The following CREB5 variants were observed in gnomAD, a reference collection of about 807,000 sequenced individuals.
CREB5 encodes cyclic AMP-responsive element-binding protein 5.
CREB5 carries 19 observed loss-of-function variants against 57.1 expected under a neutral mutation model. The ratio of observed to expected loss-of-function variants is 0.33; its 90% confidence interval spans 0.23 to 0.49. CREB5 has a LOEUF of 0.49. Ranked by LOEUF, CREB5 falls within the 20% of genes least tolerant of loss-of-function variation. The pLI, the probability that CREB5 is intolerant of heterozygous loss-of-function variation, is 0.99. For synonymous variants in CREB5, 238 were observed against 238.3 expected (o/e 1.00, Z 0.01); for missense variants, 579 against 671.6 (o/e 0.86, Z 1.52).
chr7:28,360,248 G>A (rs776645335), intron 1 of CREB5, among the ~76,000 whole-genome samples: 1 of 152,172 alleles, frequency 6.6e-6, no homozygotes, highest in Non-Finnish European at 1.5e-5. Flanking sequence ...AAATCAGTAT[G>A]TTGAAGAGAT....
upstream of CREB5, chr7:28,410,764 C>A: frequency 2.8e-6 from 1 of 356,220 alleles, no homozygotes; most frequent in Non-Finnish European, 5.5e-6. Context: ...CGTCATTCTG[C>A]AGGCCAGTAA....
rs1554283282 is a variant in CREB5 at position 28,672,182 on chromosome 7, A to ACACAC, written c.465-46571_465-46570insCACAC. On this transcript the variant is annotated intron_variant, in intron 5 of 10. Transcript: ENST00000357727. The stretch of plus-strand genomic sequence containing the variant: ...GAGATCAGTTGTATTATGGAAAAAA[A>ACACAC]AAAAAAACACACACACACACACACA... 1.8e-3 allele frequency among the ~76,000 whole-genome samples: 162 copies of ACACAC among 92,356 alleles called. 1 individual carries two copies. The highest frequency in any genetic ancestry group is 5.6e-3 in the Middle Eastern group (1 of 178). 60.6% of individuals were successfully genotyped at this position (92,356 alleles called of 152,430 possible). A position where few individuals can be genotyped will look rare whatever the true frequency, so the allele number is the denominator to read the frequency against.
intron 1 of CREB5, among the ~76,000 whole-genome samples, chr7:28,465,253 C>T (rs1790516211): frequency 6.6e-6 from 1 of 152,158 alleles, no homozygotes; most frequent in Non-Finnish European, 1.5e-5. Flanking sequence ...TTGCCTCAAA[C>T]TTAAGTCTAG....
At chr7:28,686,213 T>G in intron 5 of CREB5, 1 of 1,597,520 alleles carries the variant, frequency 6.3e-7, no homozygotes, top group Non-Finnish European at 8.6e-7. Flanking sequence ...TTTTTAATTT[T>G]ATTTTCTTTT....
intron 6 of CREB5, among the ~76,000 whole-genome samples, chr7:28,719,968 G>T (rs886568362): frequency 1.3e-5 from 2 of 152,198 alleles, no homozygotes; most frequent in African/African-American, 4.8e-5. Context: ...GCTGAGGCAG[G>T]AGAATCGCTT....
chr7:28,411,811 C>A (rs1044303946), upstream of CREB5, among the ~76,000 whole-genome samples: 1 of 152,184 alleles, frequency 6.6e-6, no homozygotes, highest in Non-Finnish European at 1.5e-5. Flanking sequence ...AAACTCCTGT[C>A]TGGGGTCTAA....
chr7:28,408,038 A>G (rs759320978), upstream of CREB5, among the ~76,000 whole-genome samples: 50 of 152,210 alleles, frequency 3.3e-4, no homozygotes, highest in Non-Finnish European at 6.9e-4. Flanking sequence ...AGAGGTTCCA[A>G]CCACCAATAA....
intron 7 of CREB5, among the ~76,000 whole-genome samples, chr7:28,801,929 A>G (rs1293607202): frequency 1.3e-5 from 2 of 151,980 alleles, no homozygotes; most frequent in Non-Finnish European, 2.9e-5. Context: ...TACTAAAAAT[A>G]CAAAAATTAG....
At chr7:28,417,070 C>T (rs1562702539) in intron 1 of CREB5, among the ~76,000 whole-genome samples, 1 of 152,112 alleles carries the variant, frequency 6.6e-6, no homozygotes. Flanking sequence ...ACGCAATTCC[C>T]AGAGAGCTGC....
At chr7:28,810,403 C>T (rs537535763) in intron 9 of CREB5, among the ~76,000 whole-genome samples, 7 of 152,092 alleles carry the variant, frequency 4.6e-5, no homozygotes, top group South Asian at 2.1e-4. Context: ...TCATGGGGTC[C>T]GGGCGCAGTG....
chr7:28,584,387 A>G (rs1000985408), intron 5 of CREB5, among the ~76,000 whole-genome samples: 3 of 152,088 alleles, frequency 2.0e-5, no homozygotes, highest in East Asian at 1.9e-4. Flanking sequence ...ATTGTGGAGG[A>G]TTTGGGTGAG....
chr7:28,678,069 A>G (rs1022061483), intron 5 of CREB5, among the ~76,000 whole-genome samples: 3 of 152,256 alleles, frequency 2.0e-5, no homozygotes, highest in Non-Finnish European at 4.4e-5. Context: ...CTTGGACATC[A>G]TAATATCTAC....
upstream of CREB5, among the ~76,000 whole-genome samples, chr7:28,412,100 A>G (rs1787825827): frequency 6.6e-6 from 1 of 152,236 alleles, no homozygotes; most frequent in Admixed American, 6.5e-5. Flanking sequence ...ATAAATGCTC[A>G]TTAGTGGAAG....
intron 1 of CREB5, among the ~76,000 whole-genome samples, chr7:28,355,124 T>C (rs1371568496): frequency 6.6e-6 from 1 of 152,218 alleles, no homozygotes; most frequent in Admixed American, 6.5e-5. Flanking sequence ...TCTATTTCAT[T>C]TTGACTGTGT....
rs1372227290 is a variant in CREB5 at position 28,548,906 on chromosome 7, A to C, written c.292-21459A>C. Among the ~76,000 whole-genome samples, 2 of 152,244 alleles carry C rather than the reference A, an allele frequency of 1.3e-5. 1 individual carries two copies. Among genetic ancestry groups the C allele is most frequent in the Non-Finnish European group, 2.9e-5 (2 of 68,044 alleles). ...CCTAGGCCAAAAGAAATACCATACT[A>C]TTCTGCTTATTAAATAATTAGGTCA... is the stretch of plus-strand genomic sequence containing the variant. On this transcript the variant is annotated intron_variant, in intron 4 of 10. Transcript: ENST00000357727.
intron 5 of CREB5, among the ~76,000 whole-genome samples, chr7:28,697,365 G>A (rs1168300121): frequency 1.3e-5 from 2 of 152,104 alleles, no homozygotes; most frequent in Non-Finnish European, 2.9e-5. Context: ...CCCAAACTCT[G>A]TGTCCTCATA....
intron 7 of CREB5, among the ~76,000 whole-genome samples, chr7:28,751,631 TA>T (rs746010801): frequency 5.8e-4 from 88 of 152,214 alleles, no homozygotes; most frequent in Non-Finnish European, 1.1e-3. Flanking sequence ...AATTTTAAAC[TA>T]ATGGAAAAGT....
chr7:28,520,759 G>A (rs186811108), intron 4 of CREB5, among the ~76,000 whole-genome samples: 17 of 152,372 alleles, frequency 1.1e-4, no homozygotes, highest in Non-Finnish European at 2.1e-4. Context: ...CCCCAGAGCC[G>A]TGTTGTAAAT....
At chr7:28,619,789 G>A (rs554979371) in intron 5 of CREB5, among the ~76,000 whole-genome samples, 15 of 152,318 alleles carry the variant, frequency 9.8e-5, no homozygotes. Flanking sequence ...AGTCTTGTGG[G>A]GAGCAGAGGC....
Sources: allele counts gnomAD v4.1 joint callset (sites outside exome capture counted in the v4.1 genomes callset), GRCh38; gene constraint gnomAD v4.1.1; transcripts MANE v1.5; gene names NCBI Gene and HGNC (gene_info 2026-07-23, HGNC 2026-07-21).